Variants in CNTNAP5 observed in about 807,000 individuals in gnomAD.
CNTNAP5 encodes the protein contactin-associated protein-like 5.
In CNTNAP5, 72 loss-of-function variants were observed where a neutral mutation model predicts 150.2. The observed-to-expected ratio is 0.48, with a 90% CI of 0.40 to 0.58. CNTNAP5 has a LOEUF of 0.58. CNTNAP5 is among the 20% of genes least tolerant of loss of function. CNTNAP5 has a pLI of 0.00. For synonymous variants in CNTNAP5, 672 were observed against 619.8 expected, an observed-to-expected ratio of 1.08 and a Z score of -1.25; for missense variants, 1,636 against 1,626.2, an observed-to-expected ratio of 1.01 and a Z score of -0.10.
At chr2:124,536,282 C>T (rs186750319) in intron 10 of CNTNAP5, among the ~76,000 whole-genome samples, 1 of 152,250 alleles carries the variant, frequency 6.6e-6, no homozygotes, top group Non-Finnish European at 1.5e-5. Context: ...AATGTTATTT[C>T]GTTTTATTCT....
At chr2:124,702,837 C>T (rs1679551343) in intron 13 of CNTNAP5, among the ~76,000 whole-genome samples, 1 of 151,940 alleles carries the variant, frequency 6.6e-6, no homozygotes, top group Admixed American at 6.6e-5. Flanking sequence ...ATTTATTTGC[C>T]CTTTTCTCTC....
chr2:124,355,135 G>T (rs1417123488), intron 3 of CNTNAP5, among the ~76,000 whole-genome samples: 2 of 151,384 alleles, frequency 1.3e-5, no homozygotes, highest in East Asian at 1.9e-4. Context: ...AGAAATGAAT[G>T]ATACTTTCAA....
At chr2:124,409,789 A>G (rs1019071557) in intron 3 of CNTNAP5, among the ~76,000 whole-genome samples, 4 of 152,082 alleles carry the variant, frequency 2.6e-5, no homozygotes, top group African/African-American at 7.2e-5. Context: ...AAATGTAAAG[A>G]CCATCAAGAC....
intron 12 of CNTNAP5, among the ~76,000 whole-genome samples, chr2:124,632,599 G>C (rs4848254): frequency 0.43 from 64,941 of 151,686 alleles, 15,765 homozygotes; most frequent in Non-Finnish European, 0.56. Context: ...TCTAATTCGT[G>C]CTGGGCTTAA....
intron 13 of CNTNAP5, among the ~76,000 whole-genome samples, chr2:124,694,450 G>A (rs1233994555): frequency 6.6e-6 from 1 of 152,106 alleles, no homozygotes; most frequent in Non-Finnish European, 1.5e-5. Flanking sequence ...AATATCAGGT[G>A]CTTAAACATA....
intron 3 of CNTNAP5, among the ~76,000 whole-genome samples, chr2:124,304,482 G>C (rs895905980): frequency 8.9e-5 from 13 of 146,472 alleles, no homozygotes; most frequent in African/African-American, 1.1e-4. Flanking sequence ...ATAGGAAGGG[G>C]CCAGATCCTT....
chr2:124,469,238 T>C (rs1385210262), intron 6 of CNTNAP5, among the ~76,000 whole-genome samples: 2 of 152,152 alleles, frequency 1.3e-5, no homozygotes, highest in African/African-American at 2.4e-5. Flanking sequence ...GTACCCTCTA[T>C]ACTACCTGAC....
intron 3 of CNTNAP5, among the ~76,000 whole-genome samples, chr2:124,310,719 G>A (rs1167681069): frequency 6.6e-6 from 1 of 151,996 alleles, no homozygotes; most frequent in African/African-American, 2.4e-5. Context: ...AGAAAAATAG[G>A]GAATAATTTC....
At chr2:124,350,156 A>C (rs1402293943) in intron 3 of CNTNAP5, among the ~76,000 whole-genome samples, 1 of 151,826 alleles carries the variant, frequency 6.6e-6, no homozygotes, top group Non-Finnish European at 1.5e-5. Flanking sequence ...TACTGGGATT[A>C]CAGGCGTGAG....
At chr2:124,267,735 G>T (rs568119840) in intron 3 of CNTNAP5, among the ~76,000 whole-genome samples, 2 of 152,244 alleles carry the variant, frequency 1.3e-5, no homozygotes, top group South Asian at 4.1e-4. Flanking sequence ...TGCAGCTTTG[G>T]ATAATATAAA....
intron 19 of CNTNAP5, among the ~76,000 whole-genome samples, chr2:124,849,778 G>A (rs1182070483): frequency 6.6e-6 from 1 of 152,202 alleles, no homozygotes; most frequent in Non-Finnish European, 1.5e-5. Context: ...TCTTAACAAT[G>A]AAGCTTGGCC....
intron 13 of CNTNAP5, among the ~76,000 whole-genome samples, chr2:124,718,176 T>A (rs1679981682): frequency 6.6e-6 from 1 of 152,206 alleles, no homozygotes; most frequent in Non-Finnish European, 1.5e-5. Flanking sequence ...AAATGAGATG[T>A]GGGACATAAA....
chr2:124,881,882 C>G (rs1200541098), intron 21 of CNTNAP5, among the ~76,000 whole-genome samples: 1 of 152,012 alleles, frequency 6.6e-6, no homozygotes, highest in Non-Finnish European at 1.5e-5. Context: ...TCATAATACA[C>G]TTCTTCTGAT....
chr2:124,746,881 C>T (rs547301868), intron 13 of CNTNAP5, among the ~76,000 whole-genome samples: 1 of 152,190 alleles, frequency 6.6e-6, no homozygotes, highest in African/African-American at 2.4e-5. Flanking sequence ...CTCAGCATTG[C>T]CATTCATCAA....
intron 14 of CNTNAP5, among the ~76,000 whole-genome samples, chr2:124,753,829 A>G (rs1263482418): frequency 6.6e-6 from 1 of 152,240 alleles, no homozygotes; most frequent in African/African-American, 2.4e-5. Context: ...CTATAAATAT[A>G]TACAATTTTT....
intron 13 of CNTNAP5, among the ~76,000 whole-genome samples, chr2:124,666,152 G>A (rs1217378178): frequency 1.3e-5 from 2 of 152,130 alleles, no homozygotes; most frequent in Non-Finnish European, 2.9e-5. Flanking sequence ...ACATTTTAGG[G>A]AGACAGAAGT....
At chr2:124,528,022 G>C (rs899128252) in intron 10 of CNTNAP5, among the ~76,000 whole-genome samples, 3 of 152,138 alleles carry the variant, frequency 2.0e-5, no homozygotes, top group African/African-American at 7.2e-5. Context: ...TCTTATATTA[G>C]AAGTTTCTAA....
intron 1 of CNTNAP5, among the ~76,000 whole-genome samples, chr2:124,175,850 G>A (rs933515678): frequency 2.6e-5 from 4 of 152,116 alleles, no homozygotes; most frequent in Non-Finnish European, 5.9e-5. Flanking sequence ...CAACTGATGG[G>A]CACCTAGGTT....
chr2:124,598,633 A>G lies in CNTNAP5; in HGVS notation c.1757-11168A>G, dbSNP rs1363228130. ...CCCTGCCCCCAGAGGTGGAGCCTAC[A>G]GAGGCAGGCAGGCCTCCTTGAGCTG... On this transcript the variant is annotated intron_variant, in intron 11 of 23. Transcript: ENST00000682447. 7.2e-3 allele frequency among the ~76,000 whole-genome samples: 1,079 copies of G among 150,638 alleles called. 6 individuals are homozygous for G. The highest frequency in any genetic ancestry group is 0.024 in the African/African-American group (981 of 41,328).
Sources: allele counts gnomAD v4.1 joint callset (sites outside exome capture counted in the v4.1 genomes callset), GRCh38; gene constraint gnomAD v4.1.1; transcripts MANE v1.5; gene names NCBI Gene and HGNC (gene_info 2026-07-23, HGNC 2026-07-21).